Variants in IPP observed in about 807,000 individuals in gnomAD.
IPP encodes the protein actin-binding protein IPP.
IPP carries 41 observed loss-of-function variants against 64.1 expected under a neutral mutation model. The observed-to-expected ratio is 0.64, with a 90% CI of 0.50 to 0.83. The LOEUF (loss-of-function observed/expected upper bound fraction) is 0.83. Ranked by LOEUF, IPP falls within the 40% of genes least tolerant of loss-of-function variation. The probability of loss-of-function intolerance (pLI) is 0.00; values close to 1 mark genes in which losing one functional copy is unlikely to be tolerated. For missense variants in IPP, 649 were observed against 703.0 expected (o/e 0.92, Z 0.87); for synonymous variants, 214 against 235.2 (o/e 0.91, Z 0.83).
intron 3 of IPP, among the ~76,000 whole-genome samples, chr1:45,730,719 T>C (rs946481240): frequency 6.7e-6 from 1 of 149,850 alleles, no homozygotes; most frequent in African/African-American, 2.5e-5. Flanking sequence ...GGCATTATAA[T>C]GCTAGCAAGA....
intron 3 of IPP, among the ~76,000 whole-genome samples, chr1:45,732,816 A>C (rs949580637): frequency 2.6e-5 from 4 of 151,268 alleles, no homozygotes; most frequent in African/African-American, 9.7e-5. Context: ...ACAGGCACCC[A>C]CCCCCACGCC....
At chr1:45,741,918 G>C (rs1298764415) in intron 2 of IPP, among the ~76,000 whole-genome samples, 1 of 77,976 alleles carries the variant, frequency 1.3e-5, no homozygotes, top group African/African-American at 4.1e-5. Flanking sequence ...GTGAGCCACC[G>C]CGCCCAGCCT....
At chr1:45,735,104 G>C (rs1029854548) in intron 3 of IPP, among the ~76,000 whole-genome samples, 6 of 150,618 alleles carry the variant, frequency 4.0e-5, no homozygotes, top group African/African-American at 1.5e-4. Context: ...TTTATTTTGA[G>C]ATGGAGTCTT....
At chr1:45,717,818 T>G (rs1380448178) in intron 6 of IPP, among the ~76,000 whole-genome samples, 1 of 152,166 alleles carries the variant, frequency 6.6e-6, no homozygotes, top group Non-Finnish European at 1.5e-5. Context: ...CAGCCAACAC[T>G]CTCCAATTCT....
intron 5 of IPP, among the ~76,000 whole-genome samples, chr1:45,726,462 A>G (rs997843727): frequency 6.6e-6 from 1 of 152,164 alleles, no homozygotes; most frequent in Admixed American, 6.6e-5. Flanking sequence ...GCAAAACTCC[A>G]TATCAAATAA....
chr1:45,724,654 G>A (rs1398981610), intron 5 of IPP, among the ~76,000 whole-genome samples: 1 of 150,268 alleles, frequency 6.7e-6, no homozygotes, highest in Non-Finnish European at 1.5e-5. Context: ...TGTGAGGAGC[G>A]CCTCTGCCGG....
At chr1:45,707,720 T>G (rs1276819519) in intron 8 of IPP, among the ~76,000 whole-genome samples, 2 of 152,186 alleles carry the variant, frequency 1.3e-5, no homozygotes, top group East Asian at 3.8e-4. Flanking sequence ...CCTCAATGGC[T>G]GTGGGACAAT....
chr1:45,745,794 G>A (rs1646125824), intron 2 of IPP, among the ~76,000 whole-genome samples: 1 of 152,098 alleles, frequency 6.6e-6, no homozygotes, highest in South Asian at 2.1e-4. Context: ...GAACCTGGGA[G>A]GCAGAGGTTG....
intron 5 of IPP, among the ~76,000 whole-genome samples, chr1:45,725,793 A>G (rs1326658905): frequency 6.4e-5 from 9 of 139,664 alleles, no homozygotes; most frequent in African/African-American, 1.3e-4. Flanking sequence ...CCTTACCCCC[A>G]ACCCTGTGCT....
chr1:45,703,562 C>T (rs1456323659), intron 8 of IPP, among the ~76,000 whole-genome samples: 1 of 151,500 alleles, frequency 6.6e-6, no homozygotes, highest in Non-Finnish European at 1.5e-5. Flanking sequence ...AGAGACTTGA[C>T]ATAAAGATTC....
chr1:45,741,337 AGAAGTAG>A lies in IPP; in HGVS notation c.293-12_293-6del, dbSNP rs755921255. The A allele has an allele frequency of 6.8e-5, 106 of 1,561,354 alleles. No individual in the cohort carries two copies. The highest frequency in any genetic ancestry group is 2.3e-4 in the Admixed American group (12 of 51,300). On this transcript the variant is annotated splice_polypyrimidine_tract_variant and splice_region_variant and intron_variant, in intron 2 of 8. Transcript: ENST00000396478. ...TCACACCTATGTTCACTATACCTAG[AGAAGTAG>A]GAAGACAAAATGGCCAATAAAATAA...
chr1:45,747,895 T>C (rs969725748), intron 1 of IPP, among the ~76,000 whole-genome samples: 1 of 124,278 alleles, frequency 8.0e-6, no homozygotes, highest in African/African-American at 3.1e-5. Flanking sequence ...ATAAGACATA[T>C]GGAATAGCAC....
chr1:45,747,805 A>C (rs1646158091), intron 1 of IPP, among the ~76,000 whole-genome samples: 1 of 127,466 alleles, frequency 7.8e-6, no homozygotes, highest in South Asian at 2.7e-4. Flanking sequence ...TCCGCTCTCC[A>C]GCCTGGGTAA....
intron 3 of IPP, among the ~76,000 whole-genome samples, chr1:45,731,069 T>C (rs1264395477): frequency 6.6e-6 from 1 of 152,180 alleles, no homozygotes; most frequent in Non-Finnish European, 1.5e-5. Flanking sequence ...TAGAGAGATA[T>C]CAAAGTCAAG....
intron 4 of IPP, 51 bp from the exon 5 acceptor site, chr1:45,727,849 AACATTTAGTATAACT>A: frequency 7.7e-7 from 1 of 1,300,838 alleles, no homozygotes; most frequent in Non-Finnish European, 1.1e-6. Flanking sequence ...TCTACATCTA[AACATTTAGTATAACT>A]ACTATATAAC....
At chr1:45,724,694 G>A (rs780872226) in intron 5 of IPP, among the ~76,000 whole-genome samples, 1 of 150,872 alleles carries the variant, frequency 6.6e-6, no homozygotes, top group Admixed American at 6.6e-5. Context: ...GGTGAGGAGC[G>A]TCTCTGCCCG....
At chr1:45,717,150 G>C (rs1156243486) in intron 6 of IPP, 133 bp from the exon 7 acceptor site, 1 of 650,218 alleles carries the variant, frequency 1.5e-6, no homozygotes. Flanking sequence ...TCTGTTCCAC[G>C]ATCCCATGAA....
chr1:45,724,366 A>G (rs1569999487), intron 5 of IPP, among the ~76,000 whole-genome samples: 1 of 151,518 alleles, frequency 6.6e-6, no homozygotes, highest in South Asian at 2.1e-4. Context: ...TGGCCTCCCA[A>G]AGAGCCGAGA....
intron 5 of IPP, among the ~76,000 whole-genome samples, chr1:45,723,326 T>C (rs551938436): frequency 3.5e-4 from 54 of 152,330 alleles, no homozygotes; most frequent in African/African-American, 1.3e-3. Flanking sequence ...TTTAAAAGTA[T>C]TTAAAAGTTA....
Sources: allele counts gnomAD v4.1 joint callset (sites outside exome capture counted in the v4.1 genomes callset), GRCh38; gene constraint gnomAD v4.1.1; transcripts MANE v1.5; gene names NCBI Gene and HGNC (gene_info 2026-07-23, HGNC 2026-07-21).